SERPINI1: variants seen among roughly 807,000 people sequenced by gnomAD.
The protein encoded by SERPINI1 is serpin family I member 1.
SERPINI1 carries 19 observed loss-of-function variants against 41.1 expected under a neutral mutation model. The observed-to-expected ratio is 0.46, with a 90% CI of 0.32 to 0.68. SERPINI1 has a LOEUF of 0.68. Among genes scored for constraint, SERPINI1 ranks in the 30% least tolerant of loss-of-function variants. SERPINI1 has a pLI of 0.03. For synonymous variants in SERPINI1, 138 were observed against 156.6 expected (o/e 0.88, Z 0.89); for missense variants, 460 against 479.2 (o/e 0.96, Z 0.37).
Position 167,795,018 on chromosome 3 carries a change from C to T in SERPINI1, c.881+194C>T, listed in dbSNP as rs13093728. Among the ~76,000 whole-genome samples, 363 of 152,008 alleles carry T rather than the reference C, an allele frequency of 2.4e-3. 1 individual carries two copies. Among genetic ancestry groups the T allele is most frequent in the Non-Finnish European group, 4.2e-3 (285 of 67,972 alleles). ...CTTCTTTTTAGTATTCTTTCATAGTCATTTCTTTCATACTCATGTGGTCCT... is the reference window on the plus strand; with the variant it reads ...CTTCTTTTTAGTATTCTTTCATAGTTATTTCTTTCATACTCATGTGGTCCT... On this transcript the variant is annotated intron_variant, in intron 5 of 8. Coordinates refer to ENST00000446050, the MANE Select transcript of SERPINI1 (RefSeq NM_001122752.2).
At chr3:167,741,825 A>T (rs1000929897) in intron 1 of SERPINI1, among the ~76,000 whole-genome samples, 1 of 152,210 alleles carries the variant, frequency 6.6e-6, no homozygotes, top group Non-Finnish European at 1.5e-5. Context: ...ATAGTATCTT[A>T]TATCTTATGT....
intron 1 of SERPINI1, among the ~76,000 whole-genome samples, chr3:167,785,655 C>T (rs1292758310): frequency 1.3e-5 from 2 of 152,064 alleles, no homozygotes; most frequent in Non-Finnish European, 2.9e-5. Flanking sequence ...TTTAAGTATT[C>T]AAAAATGTTA....
At chr3:167,739,129 TA>T (rs1454858444) in intron 1 of SERPINI1, among the ~76,000 whole-genome samples, 1 of 150,178 alleles carries the variant, frequency 6.7e-6, no homozygotes, top group East Asian at 2.0e-4. Flanking sequence ...TTTTTTTTTT[TA>T]AATCTTAAAC....
chr3:167,809,429 CA>C (rs1484436054), intron 6 of SERPINI1, among the ~76,000 whole-genome samples: 2 of 152,184 alleles, frequency 1.3e-5, no homozygotes, highest in African/African-American at 2.4e-5. Flanking sequence ...TGCTGCCTCT[CA>C]GTCCTGACGG....
At chr3:167,797,904 T>C (rs1278206233) in intron 5 of SERPINI1, among the ~76,000 whole-genome samples, 4 of 152,176 alleles carry the variant, frequency 2.6e-5, no homozygotes, top group African/African-American at 9.7e-5. Flanking sequence ...GGCCCTCATC[T>C]AATGACCTTT....
intron 1 of SERPINI1, among the ~76,000 whole-genome samples, chr3:167,761,051 A>T (rs1343477601): frequency 6.6e-6 from 1 of 152,174 alleles, no homozygotes; most frequent in Non-Finnish European, 1.5e-5. Flanking sequence ...CCTAACCTAG[A>T]GAGGGAGAAA....
intron 6 of SERPINI1, among the ~76,000 whole-genome samples, chr3:167,817,751 C>G (rs1196598667): frequency 7.2e-6 from 1 of 139,756 alleles, no homozygotes; most frequent in East Asian, 2.0e-4. Flanking sequence ...GCGCCCACCA[C>G]CACGCCTGGC....
rs779271366 is a variant in SERPINI1, at chr3:167,824,604, A to C, written c.1156+42A>C. The C allele has an allele frequency of 2.0e-5, 26 of 1,270,922 alleles. No homozygotes were observed. In the African/African-American group the frequency reaches 3.2e-4, roughly 16 times the overall value. 78.7% of individuals were successfully genotyped at this position (1,270,922 alleles called of 1,614,324 possible). On this transcript the variant is annotated intron_variant, in intron 8 of 8. Coordinates refer to ENST00000446050, the MANE Select transcript of SERPINI1 (RefSeq NM_001122752.2). ...AACAAAATTTTATTTAATAGGTCAC[A>C]AAGAACCTCTTTTTTAAATGGAGAT... is the stretch of plus-strand genomic sequence containing the variant.
rs898025172 is a variant in SERPINI1, at chr3:167,774,286, T to C, written c.-18-14825T>C. 3.9e-5 allele frequency among the ~76,000 whole-genome samples: 6 copies of C among 152,164 alleles called. 1 individual carries two copies. Among genetic ancestry groups the C allele is most frequent in the Admixed American group, 1.3e-4 (2 of 15,276 alleles). On this transcript the variant is annotated intron_variant, in intron 1 of 8. Transcript: ENST00000446050. ...AAATGACAATTTCATGAGATTCAAG[T>C]TAATATTAGTATTCTTCCTTATTTG...
intron 1 of SERPINI1, among the ~76,000 whole-genome samples, chr3:167,786,859 A>G (rs1394066374): frequency 3.9e-5 from 6 of 152,142 alleles, no homozygotes; most frequent in Non-Finnish European, 8.8e-5. Context: ...CCTAGGCTTC[A>G]TATTCACTTA....
At chr3:167,762,659 C>T (rs1726426001) in intron 1 of SERPINI1, among the ~76,000 whole-genome samples, 1 of 152,164 alleles carries the variant, frequency 6.6e-6, no homozygotes, top group Non-Finnish European at 1.5e-5. Flanking sequence ...TCACCTTCCT[C>T]CTTGAAACCT....
chr3:167,794,831 G>A lies in SERPINI1; in HGVS notation c.881+7G>A. 6.2e-7 allele frequency: 1 copy of A among 1,610,510 alleles called. No individual in the cohort carries two copies. The highest frequency in any genetic ancestry group is 8.5e-7 in the Non-Finnish European group (1 of 1,178,038). Reference sequence around the variant, plus strand: ...TAGAAGTATACCTGCCCAGGTATGAGGTTCCTGTGTCACCCGTCCCACAGC... The same window carrying A: ...TAGAAGTATACCTGCCCAGGTATGAAGTTCCTGTGTCACCCGTCCCACAGC... On this transcript the variant is annotated splice_region_variant and intron_variant, in intron 5 of 8. Transcript: ENST00000446050.
chr3:167,811,532 C>G (rs989589071), intron 6 of SERPINI1, among the ~76,000 whole-genome samples: 1 of 151,578 alleles, frequency 6.6e-6, no homozygotes, highest in African/African-American at 2.4e-5. Flanking sequence ...TTTTAAATGG[C>G]TAGAAAATAT....
At chr3:167,803,548 A>T (rs914784235) in intron 5 of SERPINI1, among the ~76,000 whole-genome samples, 1 of 152,116 alleles carries the variant, frequency 6.6e-6, no homozygotes, top group East Asian at 1.9e-4. Context: ...AATCTTTCCA[A>T]CAATGCTATG....
intron 5 of SERPINI1, among the ~76,000 whole-genome samples, chr3:167,798,025 A>G (rs990164204): frequency 2.0e-5 from 3 of 152,152 alleles, no homozygotes; most frequent in African/African-American, 7.2e-5. Flanking sequence ...AATTAAGTGC[A>G]GTGCTTCCAA....
At chr3:167,810,888 C>T (rs1455023470) in intron 6 of SERPINI1, among the ~76,000 whole-genome samples, 1 of 152,132 alleles carries the variant, frequency 6.6e-6, no homozygotes, top group South Asian at 2.1e-4. Flanking sequence ...GTCATTTCAA[C>T]GTTGTTCGCA....
At chr3:167,747,467 ACT>A (rs1445030135) in intron 1 of SERPINI1, among the ~76,000 whole-genome samples, 1 of 152,132 alleles carries the variant, frequency 6.6e-6, no homozygotes, top group African/African-American at 2.4e-5. Context: ...ACACGGTGAA[ACT>A]CTGTTTCTAC....
intron 6 of SERPINI1, among the ~76,000 whole-genome samples, chr3:167,816,432 C>G (rs1408767465): frequency 6.6e-6 from 1 of 152,094 alleles, no homozygotes; most frequent in East Asian, 1.9e-4. Flanking sequence ...ACTTTATATA[C>G]CCAAAGTCTT....
chr3:167,799,580 A>G (rs1290064647), intron 5 of SERPINI1, among the ~76,000 whole-genome samples: 6 of 152,170 alleles, frequency 3.9e-5, no homozygotes, highest in Admixed American at 3.9e-4. Flanking sequence ...GCTGGGTCAA[A>G]TGCTATTTCT....
Sources: gnomAD v4.1 joint callset for allele counts (sites outside exome capture counted in the v4.1 genomes callset) on GRCh38, gnomAD v4.1.1 for gene constraint, MANE v1.5 for transcripts, NCBI Gene and HGNC (gene_info 2026-07-23, HGNC 2026-07-21) for gene names.